USP8: variants seen among roughly 807,000 people sequenced by gnomAD.
USP8 encodes ubiquitin specific peptidase 8.
A neutral mutation model predicts 130.0 loss-of-function variants in USP8; 27 were observed. The observed-to-expected ratio is 0.21, with a 90% CI of 0.15 to 0.29. The LOEUF is 0.29. Among genes scored for constraint, USP8 ranks in the 10% least tolerant of loss-of-function variants. The pLI, the probability that USP8 is intolerant of heterozygous loss-of-function variation, is 1.00. For synonymous variants in USP8, 392 were observed against 444.1 expected (o/e 0.88, Z 1.48); for missense variants, 1,029 against 1,312.2 (o/e 0.78, Z 3.33).
chr15:50,435,793 C>A (rs1032725765), intron 1 of USP8, among the ~76,000 whole-genome samples: 6 of 152,120 alleles, frequency 3.9e-5, no homozygotes, highest in African/African-American at 1.4e-4. Flanking sequence ...TTCCAAAAAT[C>A]AAATGGGGAC....
rs770476927 is a variant in USP8 at position 50,476,909 on chromosome 15, T to C, written c.910T>C (p.Trp304Arg). Residue 304 changes from tryptophan (W) to arginine (R), a missense_variant, in exon 9 of 20, where the codon TGG (tryptophan) becomes CGG (arginine). By Grantham distance (101) the Trp-to-Arg change is moderately radical. Transcript: ENST00000307179. ...GGTTTTAGAGGGAGGCTATGAAAAC[T>C]GGCTCCTTTGTTATCCCCAGTATAC... Reference protein sequence around the residue: ...PLVLEGGYENWLLCYPQYTTN... With the variant: ...PLVLEGGYENRLLCYPQYTTN... 1 of 1,605,522 alleles carries C rather than the reference T, an allele frequency of 6.2e-7. No homozygotes were observed. The highest frequency in any genetic ancestry group is 8.5e-7 in the Non-Finnish European group (1 of 1,178,680).
intron 4 of USP8, among the ~76,000 whole-genome samples, chr15:50,453,971 C>CCCA (rs1314653841): frequency 1.3e-5 from 2 of 150,540 alleles, no homozygotes; most frequent in East Asian, 3.9e-4. Context: ...AAGCGATCCT[C>CCCA]CCACCTCAGC....
In USP8 at chr15:50,477,355, A is replaced by T. The variant is rs775309754; in HGVS notation, c.1074A>T (p.Val358=). ...AGACGCCACCTGCATCTATAGAAGT[A>T]GATGAAAATATAGAATTGATAAGTG... is the stretch of plus-strand genomic sequence containing the variant. ...AAQTPPASIE[V]DENIELISGQ... is the part of the protein sequence containing the mutation. The change falls in exon 10 of 20, where the codon GTA becomes GTT. Residue 358 remains valine, a synonymous_variant. Coordinates refer to ENST00000307179, the MANE Select transcript of USP8 (RefSeq NM_005154.5). The T allele has an allele frequency of 6.2e-7, 1 of 1,614,172 alleles. No homozygotes were observed. Among genetic ancestry groups the T allele is most frequent in the Non-Finnish European group, 8.5e-7 (1 of 1,180,022 alleles).
chr15:50,461,892 G>A (rs1226700794), intron 5 of USP8, among the ~76,000 whole-genome samples: 2 of 151,896 alleles, frequency 1.3e-5, no homozygotes, highest in Non-Finnish European at 2.9e-5. Context: ...GCAATACTTT[G>A]TATTAGTTCA....
chr15:50,453,316 CT>C (rs2141271069), intron 4 of USP8, among the ~76,000 whole-genome samples: 1 of 152,326 alleles, frequency 6.6e-6, no homozygotes, highest in South Asian at 2.1e-4. Flanking sequence ...TTTTAACACA[CT>C]GATTTTCATA....
intron 7 of USP8, among the ~76,000 whole-genome samples, chr15:50,471,076 G>A (rs907215280): frequency 2.6e-5 from 4 of 152,130 alleles, no homozygotes; most frequent in Admixed American, 6.5e-5. Context: ...TAATCTGTTC[G>A]TGCCTCAGTT....
At chr15:50,490,886 TG>T (rs1371179122) in intron 14 of USP8, among the ~76,000 whole-genome samples, 2 of 152,204 alleles carry the variant, frequency 1.3e-5, no homozygotes, top group African/African-American at 4.8e-5. Context: ...CTTGCCTTGT[TG>T]CAGCACTCAA....
rs1201145184 is a variant in USP8 at position 50,467,718 on chromosome 15, GC to G, written c.686+2528del. On this transcript the variant is annotated intron_variant, in intron 7 of 19. Transcript: ENST00000307179. ...ATACAGGCACATGCCACCATGCCCA[GC>G]TGATTTTTGTATTTTTTTGTAGAGA... Among the ~76,000 whole-genome samples, 6 of 151,866 alleles carry G rather than the reference GC, an allele frequency of 4.0e-5. No individual in the cohort carries two copies. In the East Asian group the frequency reaches 1.2e-3, roughly 29 times the overall value.
chr15:50,473,243 TAAC>T (rs1246631349), intron 8 of USP8, among the ~76,000 whole-genome samples: 2 of 152,108 alleles, frequency 1.3e-5, no homozygotes, highest in African/African-American at 4.8e-5. Context: ...CCCCCACAAA[TAAC>T]AAAATCCATG....
At chr15:50,496,483 A>G (rs2052414579) in intron 17 of USP8, among the ~76,000 whole-genome samples, 2 of 144,306 alleles carry the variant, frequency 1.4e-5, no homozygotes, top group African/African-American at 5.3e-5. Flanking sequence ...TCCGTCTTAA[A>G]AAAAAAAAAA....
chr15:50,424,709 A>T (rs567639557), intron 1 of USP8, 195 bp downstream of exon 1: 3 of 390,248 alleles, frequency 7.7e-6, no homozygotes, highest in Non-Finnish European at 1.4e-5. Context: ...TACGCCATCT[A>T]CCTAGGATTG....
At position 50,506,052 on chromosome 15, in the gene USP8, T is replaced by C. The variant is rs1419887826; in HGVS notation, c.*6964T>C. Reference sequence around the variant, plus strand: ...TCTTTGGGAGCAGAGTATAAAGATCTTGATTAACTTTAGGCTTTAAGTATG... The same window carrying C: ...TCTTTGGGAGCAGAGTATAAAGATCCTGATTAACTTTAGGCTTTAAGTATG... On this transcript the variant is annotated 3_prime_UTR_variant, in exon 20 of 20. Coordinates refer to ENST00000307179, the MANE Select transcript of USP8 (RefSeq NM_005154.5). The C allele has an allele frequency of 6.6e-6, 1 of 152,236 alleles. No homozygotes were observed. The highest frequency in any genetic ancestry group is 1.9e-4 in the East Asian group (1 of 5,202). The allele number at this position is 152,236 out of a possible 1,614,324, so 9.4% of individuals were successfully genotyped here. A position where few individuals can be genotyped will look rare whatever the true frequency, so the allele number is the denominator to read the frequency against.
intron 7 of USP8, among the ~76,000 whole-genome samples, chr15:50,468,235 CTTT>C (rs71424068): frequency 1.9e-5 from 2 of 105,478 alleles, no homozygotes. Flanking sequence ...TGTACCTGGC[CTTT>C]TTTTTTTTTT....
intron 5 of USP8, among the ~76,000 whole-genome samples, chr15:50,460,869 G>A (rs918477498): frequency 2.6e-4 from 39 of 151,868 alleles, no homozygotes; most frequent in African/African-American, 8.2e-4. Flanking sequence ...TTAAAAAGTC[G>A]TTGTTGGCTG....
chr15:50,470,159 T>C (rs1218509730), intron 7 of USP8, among the ~76,000 whole-genome samples: 1 of 152,142 alleles, frequency 6.6e-6, no homozygotes, highest in Non-Finnish European at 1.5e-5. Context: ...ACTGAACACT[T>C]TCTGTGGGCT....
In USP8 at chr15:50,500,937, A is replaced by G; in HGVS notation, c.*1849A>G. 1.0e-6 allele frequency: 1 copy of G among 990,778 alleles called. No individual in the cohort carries two copies. Among genetic ancestry groups the G allele is most frequent in the East Asian group, 2.7e-5 (1 of 37,574 alleles). The allele number at this position is 990,778 out of a possible 1,614,324, so 61.4% of individuals were successfully genotyped here. A position where few individuals can be genotyped will look rare whatever the true frequency, so the allele number is the denominator to read the frequency against. ...AGAGATGCTTTTTAAATTGTCCCTT[A>G]TTCTAAATTAAAAGGAAGTGATAAT... On this transcript the variant is annotated 3_prime_UTR_variant, in exon 20 of 20. Transcript: ENST00000307179.
intron 10 of USP8, among the ~76,000 whole-genome samples, chr15:50,479,793 C>G (rs904104717): frequency 2.0e-5 from 3 of 151,812 alleles, no homozygotes; most frequent in Non-Finnish European, 4.4e-5. Flanking sequence ...CGGTCTCACT[C>G]TCTCACCCAG....
intron 12 of USP8, among the ~76,000 whole-genome samples, chr15:50,486,650 T>G (rs1163895115): frequency 2.0e-5 from 3 of 152,220 alleles, no homozygotes; most frequent in African/African-American, 7.2e-5. Flanking sequence ...AGTCAAATAA[T>G]TTATACAATT....
chr15:50,468,444 T>C (rs936691693), intron 7 of USP8, among the ~76,000 whole-genome samples: 4 of 151,804 alleles, frequency 2.6e-5, no homozygotes, highest in Non-Finnish European at 5.9e-5. Flanking sequence ...GGTTTCACTA[T>C]GTTGGCCAGG....
Sources: gnomAD v4.1 joint callset for allele counts (sites outside exome capture counted in the v4.1 genomes callset) on GRCh38, gnomAD v4.1.1 for gene constraint, MANE v1.5 for transcripts, NCBI Gene and HGNC (gene_info 2026-07-23, HGNC 2026-07-21) for gene names.